SOBP: variants seen among roughly 807,000 people sequenced by gnomAD.
The protein encoded by SOBP is sine oculis binding protein homolog, also known as sine oculis-binding protein homolog.
A neutral mutation model predicts 53.6 loss-of-function variants in SOBP; 4 were observed. The ratio of observed to expected loss-of-function variants is 0.07; its 90% confidence interval spans 0.04 to 0.17. The LOEUF (loss-of-function observed/expected upper bound fraction) is 0.17, where lower values mean the gene tolerates loss of function less well. Among genes scored for constraint, SOBP ranks in the 10% least tolerant of loss-of-function variants. The probability of loss-of-function intolerance (pLI) is 1.00; values close to 1 mark genes in which losing one functional copy is unlikely to be tolerated. For synonymous variants in SOBP, 584 were observed against 522.6 expected (o/e 1.12, Z -1.60); for missense variants, 1,088 against 1,204.7 (o/e 0.90, Z 1.43).
intron 3 of SOBP, among the ~76,000 whole-genome samples, chr6:107,532,820 G>C (rs1450436200): frequency 1.3e-5 from 2 of 152,174 alleles, no homozygotes; most frequent in Non-Finnish European, 2.9e-5. Context: ...CACCAGTGCC[G>C]GAAGGCTGCA....
chr6:107,513,724 CA>C (rs57209957), intron 3 of SOBP, among the ~76,000 whole-genome samples: 17,256 of 96,250 alleles, frequency 0.18, 1,093 homozygotes, highest in East Asian at 0.39. Context: ...ATGCAATTCT[CA>C]AAAAAAAAAA....
At chr6:107,624,138 G>C (rs1441642810) in intron 5 of SOBP, among the ~76,000 whole-genome samples, 2 of 152,198 alleles carry the variant, frequency 1.3e-5, no homozygotes, top group Non-Finnish European at 2.9e-5. Flanking sequence ...AAAAGCGAAG[G>C]CCTAACAGTG....
chr6:107,646,641 A>G (rs994612288), intron 6 of SOBP, among the ~76,000 whole-genome samples: 4 of 152,336 alleles, frequency 2.6e-5, no homozygotes, highest in African/African-American at 9.6e-5. Context: ...TTTTCTCAGC[A>G]TCAGAATCAG....
At chr6:107,616,084 T>TGGGGGGGGGGG (rs576223347) in intron 5 of SOBP, among the ~76,000 whole-genome samples, 1 of 62,572 alleles carries the variant, frequency 1.6e-5, no homozygotes, top group African/African-American at 6.1e-5. Context: ...GGAAGGGGGG[T>TGGGGGGGGGGG]GGGGGGGGGG....
chr6:107,607,497 T>C (rs1026010438), intron 5 of SOBP, among the ~76,000 whole-genome samples: 4 of 152,184 alleles, frequency 2.6e-5, no homozygotes, highest in Non-Finnish European at 5.9e-5. Flanking sequence ...ATGAATATAA[T>C]TTTTTTCCAT....
chr6:107,651,431 C>G (rs1771798257), intron 6 of SOBP, among the ~76,000 whole-genome samples: 1 of 152,176 alleles, frequency 6.6e-6, no homozygotes, highest in South Asian at 2.1e-4. Flanking sequence ...CCCTAACTCT[C>G]TTCATCACTG....
chr6:107,643,382 C>A (rs1275023293), intron 6 of SOBP, among the ~76,000 whole-genome samples: 1 of 152,052 alleles, frequency 6.6e-6, no homozygotes, highest in East Asian at 1.9e-4. Context: ...GTTAGATGCT[C>A]ATACTTTAAA....
intron 5 of SOBP, among the ~76,000 whole-genome samples, chr6:107,597,298 G>A (rs1224843799): frequency 1.3e-5 from 2 of 152,080 alleles, no homozygotes; most frequent in African/African-American, 2.4e-5. Context: ...AAATTGTCTG[G>A]TAATTATGTA....
At chr6:107,657,590 G>GTCTTTTC in intron 6 of SOBP, among the ~76,000 whole-genome samples, 1 of 152,184 alleles carries the variant, frequency 6.6e-6, no homozygotes, top group East Asian at 1.9e-4. Context: ...GCAAATACCA[G>GTCTTTTC]AGCTGAGACA....
chr6:107,584,113 G>C (rs1245324950), intron 4 of SOBP, among the ~76,000 whole-genome samples: 4 of 152,232 alleles, frequency 2.6e-5, no homozygotes, highest in Non-Finnish European at 5.9e-5. Flanking sequence ...CTTGATAGCT[G>C]TAGGCACTCT....
At chr6:107,594,381 C>A (rs1785865547) in intron 5 of SOBP, among the ~76,000 whole-genome samples, 1 of 151,920 alleles carries the variant, frequency 6.6e-6, no homozygotes. Context: ...CAATGGAGTA[C>A]CTGAAAGTTT....
At chr6:107,589,792 A>G (rs1785685048) in intron 5 of SOBP, among the ~76,000 whole-genome samples, 1 of 152,246 alleles carries the variant, frequency 6.6e-6, no homozygotes, top group Non-Finnish European at 1.5e-5. Flanking sequence ...GTCACAATTC[A>G]GTGTGGCCCC....
chr6:107,526,963 T>C (rs1438822200), intron 3 of SOBP, among the ~76,000 whole-genome samples: 1 of 152,336 alleles, frequency 6.6e-6, no homozygotes, highest in Admixed American at 6.5e-5. Flanking sequence ...AAAAGAAAAT[T>C]AGGGATAATT....
At chr6:107,618,992 G>C (rs116152586) in intron 5 of SOBP, among the ~76,000 whole-genome samples, 5,143 of 152,250 alleles carry the variant, frequency 0.034, 236 homozygotes, top group African/African-American at 0.1. Context: ...GAGCAGGGGC[G>C]GGGGAGCACT....
intron 1 of SOBP, among the ~76,000 whole-genome samples, chr6:107,503,028 G>A (rs932477394): frequency 1.3e-5 from 2 of 152,082 alleles, no homozygotes; most frequent in African/African-American, 2.4e-5. Context: ...TCCAAAGTGC[G>A]GGATTACAGG....
rs564756847 is a variant in SOBP, at chr6:107,553,953, C to T, written c.573+20343C>T. Among the ~76,000 whole-genome samples, 4 of 152,324 alleles carry T rather than the reference C, an allele frequency of 2.6e-5. No individual in the cohort carries two copies. In the South Asian group the frequency reaches 8.3e-4, roughly 32 times the overall value. On this transcript the variant is annotated intron_variant, in intron 4 of 6. Transcript: ENST00000317357. ...AGACATGAGAGAATTCAGCTCCCAT[C>T]TTCTCTTCTACAAACAAGGTTTCTT...
At chr6:107,523,924 A>T (rs937734008) in intron 3 of SOBP, among the ~76,000 whole-genome samples, 42 of 152,190 alleles carry the variant, frequency 2.8e-4, no homozygotes, top group African/African-American at 9.4e-4. Context: ...TAGTCAGTGC[A>T]TTTGCAGCCC....
Position 107,633,720 on chromosome 6 carries a change from G to A in SOBP, c.876G>A (p.Val292=), listed in dbSNP as rs41292848. ...AAAATAAAGCAGAAGGCACCGGGGTGCAGCTGCTCACTCCAGACTCTTGGA... is the reference window on the plus strand; with the variant it reads ...AAAATAAAGCAGAAGGCACCGGGGTACAGCTGCTCACTCCAGACTCTTGGA... ...PMENKAEGTG[V]QLLTPDSWNI... The change falls in exon 6 of 7, where the codon GTG becomes GTA. Residue 292 remains valine, a synonymous_variant. Coordinates refer to ENST00000317357, the MANE Select transcript of SOBP (RefSeq NM_018013.4). 1.2e-6 allele frequency: 2 copies of A among 1,614,244 alleles called. No individual in the cohort carries two copies. Among genetic ancestry groups the A allele is most frequent in the East Asian group, 4.5e-5 (2 of 44,884 alleles).
chr6:107,606,799 G>A (rs1468730390), intron 5 of SOBP, among the ~76,000 whole-genome samples: 1 of 152,204 alleles, frequency 6.6e-6, no homozygotes, highest in Non-Finnish European at 1.5e-5. Flanking sequence ...CCTCTGCTCA[G>A]GCAGATGAAT....
Sources: gnomAD v4.1 joint callset for allele counts (sites outside exome capture counted in the v4.1 genomes callset) on GRCh38, gnomAD v4.1.1 for gene constraint, MANE v1.5 for transcripts, NCBI Gene and HGNC (gene_info 2026-07-23, HGNC 2026-07-21) for gene names.